The following MBNL2 variants were observed in gnomAD, a reference collection of about 807,000 sequenced individuals.
The protein encoded by MBNL2 is muscleblind-like protein 2.
MBNL2 carries 17 observed loss-of-function variants against 41.9 expected under a neutral mutation model. The observed-to-expected ratio is 0.41, with a 90% confidence interval of 0.28 to 0.61. The LOEUF (loss-of-function observed/expected upper bound fraction) is 0.61, where lower values mean the gene tolerates loss of function less well. MBNL2 is among the 20% of genes least tolerant of loss of function. The pLI is 0.35. For missense variants in MBNL2, 336 were observed against 505.6 expected, an observed-to-expected ratio of 0.66 and a Z score of 3.22; for synonymous variants, 195 against 182.9, an observed-to-expected ratio of 1.07 and a Z score of -0.53.
chr13:97,159,291 T>A, the MBNL2 span, among the ~76,000 whole-genome samples: 1 of 151,898 alleles, frequency 6.6e-6, no homozygotes, highest in Non-Finnish European at 1.5e-5. Flanking sequence ...TATGTGTGTC[T>A]CTGCACGTGA....
At chr13:97,152,839 C>T in the MBNL2 span, among the ~76,000 whole-genome samples, 1 of 152,082 alleles carries the variant, frequency 6.6e-6, no homozygotes, top group East Asian at 1.9e-4. Flanking sequence ...ACACTGGATC[C>T]AAGAAACAAG....
chr13:97,167,932 A>G, the MBNL2 span, among the ~76,000 whole-genome samples: 2 of 152,338 alleles, frequency 1.3e-5, no homozygotes, highest in African/African-American at 4.8e-5. Flanking sequence ...AAGAAAAGAA[A>G]AAAGACAAGG....
the MBNL2 span, among the ~76,000 whole-genome samples, chr13:97,186,852 G>A: frequency 6.6e-6 from 1 of 152,150 alleles, no homozygotes; most frequent in Non-Finnish European, 1.5e-5. Flanking sequence ...AAAAAAAGGG[G>A]GTGGAAAGGG....
chr13:97,253,220 C>T (rs185425254), intron 1 of MBNL2, among the ~76,000 whole-genome samples: 1 of 152,274 alleles, frequency 6.6e-6, no homozygotes, highest in Admixed American at 6.5e-5. Context: ...AGATAACCAA[C>T]TTGGTTTGCT....
At chr13:97,263,865 G>A (rs776046679) in intron 1 of MBNL2, among the ~76,000 whole-genome samples, 7 of 152,072 alleles carry the variant, frequency 4.6e-5, no homozygotes, top group South Asian at 2.1e-4. Flanking sequence ...TGATCTGCCC[G>A]CCTCGGCCTC....
chr13:97,204,151 G>T, the MBNL2 span, among the ~76,000 whole-genome samples: 4 of 152,192 alleles, frequency 2.6e-5, no homozygotes, highest in African/African-American at 9.7e-5. Context: ...AGAGGCAGCA[G>T]CAACACACGT....
In MBNL2 at chr13:97,391,563, T is replaced by C; in HGVS notation, c.*114T>C. The C allele has an allele frequency of 1.5e-6, 1 of 683,204 alleles. No homozygotes were observed. The highest frequency in any genetic ancestry group is 1.7e-5 in the South Asian group (1 of 58,472). The allele number at this position is 683,204 out of a possible 1,614,324, so 42.3% of individuals were successfully genotyped here. A position where few individuals can be genotyped will look rare whatever the true frequency, so the allele number is the denominator to read the frequency against. ...TATATTCCAACCTAAGATAGTTAAC[T>C]ACCTGAGACCAGCTGTGATGTTTAA... On this transcript the variant is annotated 3_prime_UTR_variant, in exon 9 of 9. Transcript: ENST00000679496.
At chr13:97,283,558 T>G (rs900849365) in intron 2 of MBNL2, among the ~76,000 whole-genome samples, 1 of 152,150 alleles carries the variant, frequency 6.6e-6, no homozygotes, top group African/African-American at 2.4e-5. Context: ...TAAGAATTAA[T>G]CAAAACTAAG....
At chr13:97,158,120 T>A in the MBNL2 span, among the ~76,000 whole-genome samples, 3 of 152,120 alleles carry the variant, frequency 2.0e-5, no homozygotes, top group Non-Finnish European at 4.4e-5. Flanking sequence ...TTGTTTAGTC[T>A]TGGGAGAGTG....
chr13:97,168,747 A>G, the MBNL2 span, among the ~76,000 whole-genome samples: 1 of 152,212 alleles, frequency 6.6e-6, no homozygotes, highest in Non-Finnish European at 1.5e-5. Context: ...ATCTGCATTT[A>G]TTTAGAACAG....
intron 1 of MBNL2, among the ~76,000 whole-genome samples, chr13:97,224,499 T>C (rs943925593): frequency 6.6e-6 from 1 of 152,124 alleles, no homozygotes; most frequent in Non-Finnish European, 1.5e-5. Context: ...CTAATTTGTG[T>C]CTCCTCTCTG....
At chr13:97,256,061 A>C (rs530552320) in intron 1 of MBNL2, among the ~76,000 whole-genome samples, 1 of 152,344 alleles carries the variant, frequency 6.6e-6, no homozygotes, top group East Asian at 1.9e-4. Flanking sequence ...TTGGTGGAGA[A>C]TTTTGAACTT....
At chr13:97,304,039 C>T (rs2057892730) in intron 2 of MBNL2, among the ~76,000 whole-genome samples, 1 of 152,180 alleles carries the variant, frequency 6.6e-6, no homozygotes, top group Non-Finnish European at 1.5e-5. Context: ...AAACTTCTAG[C>T]CCACTTTCAG....
chr13:97,149,165 T>C, the MBNL2 span, among the ~76,000 whole-genome samples: 2 of 152,166 alleles, frequency 1.3e-5, no homozygotes, highest in Non-Finnish European at 2.9e-5. Flanking sequence ...TAGGACAAGA[T>C]TCAGCCTTGG....
chr13:97,263,464 C>T (rs2049047843), intron 1 of MBNL2, among the ~76,000 whole-genome samples: 1 of 152,168 alleles, frequency 6.6e-6, no homozygotes, highest in Non-Finnish European at 1.5e-5. Context: ...GAGGACCACA[C>T]TACCCTGAGG....
intron 2 of MBNL2, among the ~76,000 whole-genome samples, chr13:97,292,688 G>T (rs982028044): frequency 6.6e-6 from 1 of 151,370 alleles, no homozygotes; most frequent in Non-Finnish European, 1.5e-5. Flanking sequence ...TTCCTCTCTC[G>T]GTGAGCCCCA....
chr13:97,296,973 G>A (rs1213393014), intron 2 of MBNL2, among the ~76,000 whole-genome samples: 1 of 152,146 alleles, frequency 6.6e-6, no homozygotes, highest in African/African-American at 2.4e-5. Context: ...AGATAGGAAA[G>A]GGCATCCCAG....
the MBNL2 span, among the ~76,000 whole-genome samples, chr13:97,191,007 TAAAA>T: frequency 1.4e-5 from 2 of 146,422 alleles, no homozygotes; most frequent in African/African-American, 5.0e-5. Flanking sequence ...CAAATGAAAC[TAAAA>T]AAAAAAATCA....
At chr13:97,178,076 G>T in the MBNL2 span, among the ~76,000 whole-genome samples, 1 of 152,322 alleles carries the variant, frequency 6.6e-6, no homozygotes, top group African/African-American at 2.4e-5. Flanking sequence ...AAAAGACATT[G>T]AGTCTTGGAA....
Sources: gnomAD v4.1 joint callset for allele counts (sites outside exome capture counted in the v4.1 genomes callset) on GRCh38, gnomAD v4.1.1 for gene constraint, MANE v1.5 for transcripts, NCBI Gene and HGNC (gene_info 2026-07-23, HGNC 2026-07-21) for gene names.